The following RBM14 variants were observed in gnomAD, a reference collection of about 807,000 sequenced individuals.
RBM14 encodes the protein RNA-binding protein 14.
A neutral mutation model predicts 52.8 loss-of-function variants in RBM14; 5 were observed. That is an observed-to-expected ratio of 0.09 (90% CI 0.05 to 0.20). The LOEUF is 0.20. RBM14 is among the 10% of genes least tolerant of loss of function. The probability of loss-of-function intolerance (pLI) is 1.00; values close to 1 mark genes in which losing one functional copy is unlikely to be tolerated. For missense variants in RBM14, 780 were observed against 926.6 expected (o/e 0.84, Z 2.05); for synonymous variants, 411 against 401.8 (o/e 1.02, Z -0.28).
intron 1 of RBM14, chr11:66,623,814 G>A: frequency 4.2e-6 from 3 of 707,452 alleles, no homozygotes; most frequent in Non-Finnish European, 7.9e-6. Context: ...CCTCAAAGGT[G>A]TTTGGTGAGT....
rs1590852083 is a variant in RBM14, at chr11:66,629,653, G to A, written c.*2985G>A. 6.6e-6 allele frequency among the ~76,000 whole-genome samples: 1 copy of A among 152,174 alleles called. No individual in the cohort carries two copies. Among genetic ancestry groups the A allele is most frequent in the East Asian group, 1.9e-4 (1 of 5,184 alleles). On this transcript the variant is annotated 3_prime_UTR_variant, in exon 3 of 3. Transcript: ENST00000310137. ...ACCTAGTATATACTATGTAACAGATGGAAAACTGAATTTTACAATCTATAG... is the reference window on the plus strand; with the variant it reads ...ACCTAGTATATACTATGTAACAGATAGAAAACTGAATTTTACAATCTATAG...
At chr11:66,618,416 A>T in intron 1 of RBM14, 2 of 696,572 alleles carry the variant, frequency 2.9e-6, no homozygotes, top group South Asian at 1.5e-5. Flanking sequence ...AGTGGGGGAA[A>T]TATAAAGGGT....
rs1221238561 is a variant in RBM14, at chr11:66,629,445, G to A, written c.*2777G>A. On this transcript the variant is annotated 3_prime_UTR_variant, in exon 3 of 3. Coordinates refer to ENST00000310137, the MANE Select transcript of RBM14 (RefSeq NM_006328.4). ...GACTCTCTTGTAATGGAGGTAATGG[G>A]ACTATCACTGAGGGGTTCAGCCTAT... Among the ~76,000 whole-genome samples, 4 of 152,124 alleles carry A rather than the reference G, an allele frequency of 2.6e-5. No homozygotes were observed. Among genetic ancestry groups the A allele is most frequent in the Non-Finnish European group, 5.9e-5 (4 of 68,034 alleles).
In RBM14 at chr11:66,628,229, T is replaced by C. The variant is rs1225516127; in HGVS notation, c.*1561T>C. Among the ~76,000 whole-genome samples the C allele has an allele frequency of 6.6e-6, 1 of 151,994 alleles. No homozygotes were observed. Among genetic ancestry groups the C allele is most frequent in the Non-Finnish European group, 1.5e-5 (1 of 67,994 alleles). ...CAAAATGGAGGCTTGGGCTTAGTGATGGGTAAATGGAAGACTGGTTGAGTG... is the reference window on the plus strand; with the variant it reads ...CAAAATGGAGGCTTGGGCTTAGTGACGGGTAAATGGAAGACTGGTTGAGTG... On this transcript the variant is annotated 3_prime_UTR_variant, in exon 3 of 3. Coordinates refer to ENST00000310137, the MANE Select transcript of RBM14 (RefSeq NM_006328.4).
In RBM14 at chr11:66,626,520, A is replaced by G. The variant is rs745887226; in HGVS notation, c.1862A>G (p.Gln621Arg). 4.3e-6 allele frequency: 7 copies of G among 1,613,866 alleles called. No homozygotes were observed. Residue 621 changes from glutamine (Q) to arginine (R), a missense_variant, in exon 3 of 3, where the codon CAG (glutamine) becomes CGG (arginine). Transcript: ENST00000310137. Reference protein sequence around the residue: ...LSDYRRLSESQLSFRRSPTKS... With the variant: ...LSDYRRLSESRLSFRRSPTKS... Reference sequence around the variant, plus strand: ...GATTACCGCCGTTTATCAGAGTCGCAGCTTTCGTTCCGCCGCTCGCCGACA... The same window carrying G: ...GATTACCGCCGTTTATCAGAGTCGCGGCTTTCGTTCCGCCGCTCGCCGACA...
In RBM14 at chr11:66,628,632, G is replaced by C. The variant is rs1462790720; in HGVS notation, c.*1964G>C. 6.6e-6 allele frequency among the ~76,000 whole-genome samples: 1 copy of C among 152,130 alleles called. No individual in the cohort carries two copies. The highest frequency in any genetic ancestry group is 2.4e-5 in the African/African-American group (1 of 41,412). The stretch of plus-strand genomic sequence containing the variant: ...CCTTTTTATTTCTTTGCAGGACTGG[G>C]AAAGCATGGGAGGAGGATTTTGATA... On this transcript the variant is annotated 3_prime_UTR_variant, in exon 3 of 3. Transcript: ENST00000310137.
At position 66,618,202 on chromosome 11, in the gene RBM14, G is replaced by A. The variant is rs373622461; in HGVS notation, c.337+1145G>A. Among the ~76,000 whole-genome samples the A allele has an allele frequency of 1.4e-4, 21 of 152,134 alleles. No homozygotes were observed. The East Asian group carries it at 2.5e-3, about 18-fold the overall frequency. ...CTGCTCCACTTGGGAACAGATCAGA[G>A]TTAACTTTGCCCTGTCATTTTGGAA... On this transcript the variant is annotated intron_variant, in intron 1 of 2. Transcript: ENST00000310137.
rs773572436 is a variant in RBM14 at position 66,616,653 on chromosome 11, G to T, written c.-68G>T. ...CCATTCCTGAGGAGGACTGCCGGTC[G>T]TTCGGACGTCTTGCCTGTCGCTGGA... On this transcript the variant is annotated 5_prime_UTR_variant, in exon 1 of 3. Transcript: ENST00000310137. The T allele has an allele frequency of 3.3e-6, 5 of 1,499,862 alleles. No individual in the cohort carries two copies. In the Admixed American group the frequency reaches 9.3e-5, roughly 28 times the overall value. 92.9% of individuals were successfully genotyped at this position (1,499,862 alleles called of 1,614,324 possible).
chr11:66,625,160 A>G lies in RBM14; in HGVS notation c.1284A>G (p.Gln428=), dbSNP rs752012914. ...AAQQAASYSS[Q]PAAYVAQPAT... is the part of the protein sequence containing the mutation. ...AGCAGGCTGCTTCCTACTCTTCCCA[A>G]CCTGCTGCCTATGTGGCACAGCCAG... The change falls in exon 2 of 3, where the codon CAA becomes CAG. Residue 428 remains glutamine (Q), a synonymous_variant. Transcript: ENST00000310137. The surrounding 1 kb of genome is among the most constrained non-coding windows in gnomAD (Gnocchi z 4.2). 1.2e-6 allele frequency: 2 copies of G among 1,611,714 alleles called. No individual in the cohort carries two copies. Among genetic ancestry groups the G allele is most frequent in the Middle Eastern group, 3.3e-4 (2 of 6,060 alleles).
chr11:66,622,687 G>A (rs1314853209), intron 1 of RBM14, among the ~76,000 whole-genome samples: 1 of 152,138 alleles, frequency 6.6e-6, no homozygotes, highest in East Asian at 1.9e-4. Context: ...TTGTGTCATT[G>A]TCTTCAAATC....
Position 66,625,581 on chromosome 11 carries a change from G to C in RBM14, c.1705G>C (p.Ala569Pro). The C allele has an allele frequency of 1.9e-6, 3 of 1,611,104 alleles. No individual in the cohort carries two copies. Among genetic ancestry groups the C allele is most frequent in the Non-Finnish European group, 2.5e-6 (3 of 1,179,684 alleles). The change falls in exon 2 of 3, where the codon GCC (alanine) becomes CCC (proline). Residue 569 changes from alanine to proline, a missense_variant. By Grantham distance (27) the Ala-to-Pro change is conservative. Coordinates refer to ENST00000310137, the MANE Select transcript of RBM14 (RefSeq NM_006328.4). The surrounding 1 kb of genome is among the most constrained non-coding windows in gnomAD (Gnocchi z 4.2). ...LSMSQGAVAN[A>P]NSTPPPYERT... is the part of the protein sequence containing the mutation. ...CATGTCCCAGGGGGCCGTTGCCAAC[G>C]CCAACAGCACCCCGCCGCCCTATGA...
Position 66,624,728 on chromosome 11 carries a change from A to C in RBM14, c.852A>C (p.Pro284=), listed in dbSNP as rs376714525. 1 of 1,613,934 alleles carries C rather than the reference A, an allele frequency of 6.2e-7. No individual in the cohort carries two copies. Among genetic ancestry groups the C allele is most frequent in the Admixed American group, 1.7e-5 (1 of 60,012 alleles). The change falls in exon 2 of 3, where the codon CCA becomes CCC. Residue 284 remains proline, a synonymous_variant. Transcript: ENST00000310137. The surrounding 1 kb of genome is among the most constrained non-coding windows in gnomAD (Gnocchi z 4.7). ...RAQPSVSLGA[P]YRGQLASPSS... is the part of the protein sequence containing the mutation. ...AGCCCTCTGTCTCCCTTGGGGCACC[A>C]TACAGGGGCCAGCTGGCTAGTCCTA...
At position 66,624,454 on chromosome 11, in the gene RBM14, A is replaced by G; in HGVS notation, c.578A>G (p.Asn193Ser). 3.7e-6 allele frequency: 6 copies of G among 1,614,088 alleles called. No individual in the cohort carries two copies. The highest frequency in any genetic ancestry group is 1.3e-5 in the African/African-American group (1 of 75,036). ...TTCGACTACCAGCAGGCTTTTGGCA[A>G]CAGCACTGGTGGCTTTGATGGGCAA... is the stretch of plus-strand genomic sequence containing the variant. The part of the protein sequence containing the change: ...ATFDYQQAFG[N>S]STGGFDGQAR... The change falls in exon 2 of 3, where the codon AAC becomes AGC. Residue 193 changes from asparagine (N) to serine (S), a missense_variant. Transcript: ENST00000310137. The surrounding 1 kb of genome is among the most constrained non-coding windows in gnomAD (Gnocchi z 4.7).
In RBM14 at chr11:66,628,088, A is replaced by C. The variant is rs553106871; in HGVS notation, c.*1420A>C. On this transcript the variant is annotated 3_prime_UTR_variant, in exon 3 of 3. Transcript: ENST00000310137. ...AGAATCTGGGAAAGGGTGGGGTGCAAGCTAACCAAATAGGGATGCTAGGGT... is the reference window on the plus strand; with the variant it reads ...AGAATCTGGGAAAGGGTGGGGTGCACGCTAACCAAATAGGGATGCTAGGGT... 2.0e-5 allele frequency among the ~76,000 whole-genome samples: 3 copies of C among 152,030 alleles called. No homozygotes were observed. Among genetic ancestry groups the C allele is most frequent in the Non-Finnish European group, 2.9e-5 (2 of 68,014 alleles).
chr11:66,617,212 C>T (rs1858878751), intron 1 of RBM14, 155 bp downstream of exon 1: 1 of 1,431,670 alleles, frequency 7.0e-7, no homozygotes, highest in East Asian at 2.5e-5. Context: ...TGGGTAGAGC[C>T]ACCCTCCTCC....
chr11:66,621,389 T>C (rs1859103999), intron 1 of RBM14, among the ~76,000 whole-genome samples: 1 of 152,100 alleles, frequency 6.6e-6, no homozygotes, highest in Non-Finnish European at 1.5e-5. Context: ...GTTCTTTTTT[T>C]TTTTTGAGAG....
In RBM14 at chr11:66,628,462, C is replaced by G. The variant is rs986770066; in HGVS notation, c.*1794C>G. On this transcript the variant is annotated 3_prime_UTR_variant, in exon 3 of 3. Transcript: ENST00000310137. ...GCCCTAGATGTCCTCTTCCCTCTTG[C>G]CATCGTGCAAAAGCATTCGATCTTA... 5.3e-5 allele frequency among the ~76,000 whole-genome samples: 8 copies of G among 152,092 alleles called. No individual in the cohort carries two copies. The highest frequency in any genetic ancestry group is 8.8e-5 in the Non-Finnish European group (6 of 68,016).
Position 66,624,396 on chromosome 11 carries a change from G to A in RBM14, c.520G>A (p.Ala174Thr), listed in dbSNP as rs779797438. 3.6e-5 allele frequency: 58 copies of A among 1,614,044 alleles called. 1 individual carries two copies. The highest frequency in any genetic ancestry group is 3.7e-5 in the Non-Finnish European group (44 of 1,180,004). Reference sequence around the variant, plus strand: ...CAAGAAACCAGGGGCTGGGGATACGGCCTTCCCTGGAACTGGTGGCTTCTC... The same window carrying A: ...CAAGAAACCAGGGGCTGGGGATACGACCTTCCCTGGAACTGGTGGCTTCTC... Reference protein sequence around the residue: ...KTKKPGAGDTAFPGTGGFSAT... With the variant: ...KTKKPGAGDTTFPGTGGFSAT... Residue 174 changes from alanine (A) to threonine (T), a missense_variant, in exon 2 of 3, where the codon GCC (alanine) becomes ACC (threonine). Coordinates refer to ENST00000310137, the MANE Select transcript of RBM14 (RefSeq NM_006328.4). This position sits in a 1 kb window ranked among gnomAD's most constrained non-coding sequence, Gnocchi z 4.7.
Position 66,625,197 on chromosome 11 carries a change from G to A in RBM14, c.1321G>A (p.Ala441Thr). 6.2e-7 allele frequency: 1 copy of A among 1,611,804 alleles called. No individual in the cohort carries two copies. The highest frequency in any genetic ancestry group is 8.5e-7 in the Non-Finnish European group (1 of 1,179,930). Residue 441 changes from alanine to threonine, a missense_variant, in exon 2 of 3, where the codon GCC becomes ACC. By Grantham distance (58) the Ala-to-Thr change is moderately conservative. Coordinates refer to ENST00000310137, the MANE Select transcript of RBM14 (RefSeq NM_006328.4). The surrounding 1 kb of genome is among the most constrained non-coding windows in gnomAD (Gnocchi z 4.2). ...TGTGGCACAGCCAGCCACAGCTGCTGCCTATGCCAGCCAGCCAGCAGCCTA... is the reference window on the plus strand; with the variant it reads ...TGTGGCACAGCCAGCCACAGCTGCTACCTATGCCAGCCAGCCAGCAGCCTA... ...AYVAQPATAA[A>T]YASQPAAYAA...
Sources: allele counts gnomAD v4.1 joint callset (sites outside exome capture counted in the v4.1 genomes callset), GRCh38; gene constraint gnomAD v4.1.1; non-coding constraint Gnocchi (gnomAD v3.1); transcripts MANE v1.5; gene names NCBI Gene and HGNC (gene_info 2026-07-23, HGNC 2026-07-21).